PCNX1: variants seen among roughly 807,000 people sequenced by gnomAD.
PCNX1 encodes the protein pecanex-like protein 1.
In PCNX1, 78 loss-of-function variants were observed where a neutral mutation model predicts 242.2. The ratio of observed to expected loss-of-function variants is 0.32; its 90% CI spans 0.27 to 0.39. The LOEUF (loss-of-function observed/expected upper bound fraction) is 0.39, where lower values mean the gene tolerates loss of function less well. PCNX1 is among the 10% of genes least tolerant of loss of function. The pLI is 1.00. For synonymous variants in PCNX1, 1,024 were observed against 1,032.9 expected (o/e 0.99, Z 0.17); for missense variants, 2,581 against 2,856.5 (o/e 0.90, Z 2.20).
chr14:71,076,265 G>A lies in PCNX1; in HGVS notation c.5183G>A (p.Arg1728His), dbSNP rs901001661. 2.5e-6 allele frequency: 4 copies of A among 1,613,778 alleles called. No individual in the cohort carries two copies. The highest frequency in any genetic ancestry group is 2.7e-5 in the African/African-American group (2 of 74,842). ...LANETMQEGLRLCADRNYVDV... is the reference protein window; with the variant it reads ...LANETMQEGLHLCADRNYVDV... ...AATGAGACAATGCAGGAAGGACTTCGTCTGTGTGCTGATCGCAATTATGTC... is the reference window on the plus strand; with the variant it reads ...AATGAGACAATGCAGGAAGGACTTCATCTGTGTGCTGATCGCAATTATGTC... Residue 1728 changes from arginine to histidine, a missense_variant, in exon 28 of 36, where the codon CGT becomes CAT. This residue lies in a region of PCNX1 where 298 missense variants were observed against 480.1 expected (regional missense o/e 0.62). Coordinates refer to ENST00000304743, the MANE Select transcript of PCNX1 (RefSeq NM_014982.3).
chr14:71,057,855 A>T, intron 26 of PCNX1, 131 bp downstream of exon 26: 2 of 689,984 alleles, frequency 2.9e-6, no homozygotes, highest in Admixed American at 5.3e-5. Context: ...AAAGTTGTTA[A>T]AGAGTAAGTA....
intron 1 of PCNX1, among the ~76,000 whole-genome samples, chr14:70,912,467 G>C (rs2055961474): frequency 6.6e-6 from 1 of 151,966 alleles, no homozygotes; most frequent in Non-Finnish European, 1.5e-5. Flanking sequence ...ACATCCAGCT[G>C]CTACTCAACG....
intron 28 of PCNX1, among the ~76,000 whole-genome samples, chr14:71,078,252 A>C (rs2061766254): frequency 6.6e-6 from 1 of 152,142 alleles, no homozygotes; most frequent in African/African-American, 2.4e-5. Flanking sequence ...TCATCTCCTT[A>C]AGATCTTGCA....
At chr14:70,932,631 A>C (rs1228775074) in intron 1 of PCNX1, among the ~76,000 whole-genome samples, 1 of 150,654 alleles carries the variant, frequency 6.6e-6, no homozygotes, top group East Asian at 1.9e-4. Context: ...TTATTTTTTG[A>C]GATGGAATTT....
chr14:70,994,322 T>C (rs1471037412), intron 7 of PCNX1, among the ~76,000 whole-genome samples: 1 of 149,130 alleles, frequency 6.7e-6, no homozygotes, highest in Non-Finnish European at 1.5e-5. Context: ...AAGTTTTAAT[T>C]TGGATAGTCA....
At position 71,013,681 on chromosome 14, in the gene PCNX1, A is replaced by G. The variant is rs2059884300; in HGVS notation, c.2996+479A>G. ...CATGTGAAACAACCAAAAATAGACA[A>G]AGTACGTGAAACAGTGGTTTTCAAG... On this transcript the variant is annotated intron_variant, in intron 11 of 35. Coordinates refer to ENST00000304743, the MANE Select transcript of PCNX1 (RefSeq NM_014982.3). 2.0e-5 allele frequency among the ~76,000 whole-genome samples: 3 copies of G among 152,152 alleles called. No homozygotes were observed. The South Asian group carries it at 6.2e-4, about 32-fold the overall frequency.
At chr14:71,042,357 G>T (rs1267868526) in intron 19 of PCNX1, among the ~76,000 whole-genome samples, 1 of 151,962 alleles carries the variant, frequency 6.6e-6, no homozygotes, top group East Asian at 1.9e-4. Flanking sequence ...CTGGTGTAGG[G>T]TGCATGTATG....
intron 6 of PCNX1, among the ~76,000 whole-genome samples, chr14:70,980,896 T>C (rs1412748473): frequency 1.3e-5 from 2 of 152,190 alleles, no homozygotes; most frequent in Non-Finnish European, 2.9e-5. Context: ...TCCTAAAGAA[T>C]ATGAAGGTGT....
intron 24 of PCNX1, among the ~76,000 whole-genome samples, chr14:71,054,270 CT>C (rs1346286999): frequency 6.6e-6 from 1 of 152,206 alleles, no homozygotes; most frequent in Non-Finnish European, 1.5e-5. Context: ...CTGAATGGAT[CT>C]TTTACCCATG....
intron 26 of PCNX1, among the ~76,000 whole-genome samples, chr14:71,058,435 T>G (rs993847662): frequency 3.3e-5 from 5 of 152,230 alleles, no homozygotes; most frequent in Non-Finnish European, 2.9e-5. Flanking sequence ...GAATAACATG[T>G]AAGCACAAGT....
Position 71,109,897 on chromosome 14 carries a change from A to C in PCNX1, c.6988A>C (p.Ile2330Leu). Residue 2330 changes from isoleucine to leucine, a missense_variant, in exon 36 of 36, where the codon ATT becomes CTT. Transcript: ENST00000304743. ...GATTGATGATAAATATGTGACTGTA[A>C]TTGAAACTGGGGTACTAGAACTTGG... ...VQIDDKYVTVIETGVLELGAE... is the reference protein window; with the variant it reads ...VQIDDKYVTVLETGVLELGAE... 2 of 1,613,340 alleles carry C rather than the reference A, an allele frequency of 1.2e-6. No homozygotes were observed. The highest frequency in any genetic ancestry group is 1.7e-6 in the Non-Finnish European group (2 of 1,179,364).
intron 2 of PCNX1, among the ~76,000 whole-genome samples, chr14:70,949,201 G>T (rs2057632177): frequency 7.5e-6 from 1 of 133,182 alleles, no homozygotes; most frequent in East Asian, 2.5e-4. Flanking sequence ...CTCATAGTGT[G>T]TATATACACA....
At chr14:70,979,987 C>A (rs2058791765) in intron 6 of PCNX1, among the ~76,000 whole-genome samples, 3 of 146,182 alleles carry the variant, frequency 2.1e-5, no homozygotes, top group Admixed American at 6.8e-5. Flanking sequence ...TTGTAAACAA[C>A]CTGAAATGCT....
At position 70,977,233 on chromosome 14, in the gene PCNX1, A is replaced by C. The variant is rs1327274000; in HGVS notation, c.896A>C (p.Asn299Thr). 3.7e-6 allele frequency: 6 copies of C among 1,614,212 alleles called. No homozygotes were observed. Among genetic ancestry groups the C allele is most frequent in the Non-Finnish European group, 5.1e-6 (6 of 1,180,034 alleles). Residue 299 changes from asparagine to threonine, a missense_variant, in exon 6 of 36, where the codon AAT (asparagine) becomes ACT (threonine). By Grantham distance (65) the Asn-to-Thr change is moderately conservative. Coordinates refer to ENST00000304743, the MANE Select transcript of PCNX1 (RefSeq NM_014982.3). The part of the protein sequence containing the change: ...SAVAFPDTSL[N>T]DFPLYQQRRG... ...GTGGCTTTTCCAGACACTTCACTGAATGATTTTCCCCTTTATCAGCAAAGA... is the reference window on the plus strand; with the variant it reads ...GTGGCTTTTCCAGACACTTCACTGACTGATTTTCCCCTTTATCAGCAAAGA...
intron 28 of PCNX1, among the ~76,000 whole-genome samples, chr14:71,080,734 G>A (rs2061834055): frequency 6.6e-6 from 1 of 152,204 alleles, no homozygotes; most frequent in Non-Finnish European, 1.5e-5. Flanking sequence ...TTGAGACTTT[G>A]CTGAAGTTGC....
At chr14:70,949,355 A>C (rs1287426840) in intron 2 of PCNX1, among the ~76,000 whole-genome samples, 1 of 146,502 alleles carries the variant, frequency 6.8e-6, no homozygotes, top group Non-Finnish European at 1.5e-5. Flanking sequence ...ACGCACGTGC[A>C]TATATACATA....
rs1444356923 is a variant in PCNX1 at position 70,978,449 on chromosome 14, A to G, written c.2112A>G (p.Ser704=). Residue 704 remains serine, a synonymous_variant, in exon 6 of 36, where the codon TCA becomes TCG. Coordinates refer to ENST00000304743, the MANE Select transcript of PCNX1 (RefSeq NM_014982.3). ...DSGTVACLND[S]NRLMAPESIK... ...GCACAGTAGCATGTTTGAATGACTC[A>G]AACAGGTTAATGGCACCTGAAAGTA... The G allele has an allele frequency of 1.9e-6, 3 of 1,614,160 alleles. No homozygotes were observed. In the South Asian group the frequency reaches 3.3e-5, roughly 18 times the overall value.
rs1053951049 is a variant in PCNX1, at chr14:70,978,388, C to T, written c.2051C>T (p.Ala684Val). The T allele has an allele frequency of 6.2e-7, 1 of 1,614,226 alleles. No homozygotes were observed. ...CGACGGACTTCTAGCACAAATAGTG[C>T]CAAGACTCGTGCCCGAGTGTTGAGC... ...ATRRTSSTNS[A>V]KTRARVLSLD... Residue 684 changes from alanine (A) to valine (V), a missense_variant, in exon 6 of 36, where the codon GCC (alanine) becomes GTC (valine). Physicochemically the swap from Ala to Val is moderately conservative, Grantham distance 64. Transcript: ENST00000304743.
At chr14:70,911,952 A>G (rs1641007753) in intron 1 of PCNX1, among the ~76,000 whole-genome samples, 1 of 152,180 alleles carries the variant, frequency 6.6e-6, no homozygotes, top group African/African-American at 2.4e-5. Context: ...GAAATAGAAC[A>G]TTAAAATTTA....
Sources: gnomAD v4.1 joint callset for allele counts (sites outside exome capture counted in the v4.1 genomes callset) on GRCh38, gnomAD v4.1.1 for gene constraint, gnomAD v4.1.1 regional missense constraint, MANE v1.5 for transcripts, NCBI Gene and HGNC (gene_info 2026-07-23, HGNC 2026-07-21) for gene names.